TSGA10: variants seen among roughly 807,000 people sequenced by gnomAD.
TSGA10 encodes the protein testis specific 10.
Under a neutral mutation model 96.6 loss-of-function variants are expected in TSGA10, and 43 were observed. The observed-to-expected ratio is 0.44, with a 90% confidence interval of 0.35 to 0.57. The LOEUF (loss-of-function observed/expected upper bound fraction) is 0.57. Ranked by LOEUF, TSGA10 falls within the 20% of genes least tolerant of loss-of-function variation. TSGA10 has a pLI of 0.01. For synonymous variants in TSGA10, 229 were observed against 269.9 expected, an observed-to-expected ratio of 0.85 and a Z score of 1.48; for missense variants, 703 against 834.4, an observed-to-expected ratio of 0.84 and a Z score of 1.94.
Position 99,110,900 on chromosome 2 carries a change from G to T in TSGA10, c.-124C>A. On this transcript the variant is annotated 5_prime_UTR_variant, in exon 5 of 21. Coordinates refer to ENST00000393483, the MANE Select transcript of TSGA10 (RefSeq NM_025244.4). ...TCCAATACTATAATATTATTTTGCT[G>T]GCAAATGAGATCAATCTGAAGAAAA... 1.3e-6 allele frequency: 1 copy of T among 769,968 alleles called. No homozygotes were observed. The highest frequency in any genetic ancestry group is 1.9e-5 in the African/African-American group (1 of 52,238). The allele number at this position is 769,968 out of a possible 1,614,324, so 47.7% of individuals were successfully genotyped here.
intron 5 of TSGA10, among the ~76,000 whole-genome samples, chr2:99,110,073 G>A (rs1023533708): frequency 6.6e-6 from 1 of 152,192 alleles, no homozygotes; most frequent in Non-Finnish European, 1.5e-5. Context: ...GTTGAGGCAG[G>A]AGAATCATTT....
intron 16 of TSGA10, among the ~76,000 whole-genome samples, chr2:99,059,490 T>A (rs902753523): frequency 2.0e-5 from 3 of 150,424 alleles, no homozygotes; most frequent in Admixed American, 6.7e-5. Context: ...CAAAAAAAAA[T>A]TAGCCAGGCA....
chr2:99,031,279 C>A (rs1573634380), intron 17 of TSGA10, among the ~76,000 whole-genome samples: 2 of 79,636 alleles, frequency 2.5e-5, no homozygotes, highest in Admixed American at 2.0e-4. Flanking sequence ...GGTGGATACT[C>A]ATAGGCCAAA....
At chr2:99,084,841 C>CTCCATGGCAAAATGTG (rs1192861899) in intron 10 of TSGA10, among the ~76,000 whole-genome samples, 1 of 151,926 alleles carries the variant, frequency 6.6e-6, no homozygotes, top group Non-Finnish European at 1.5e-5. Context: ...TAACTTATAT[C>CTCCATGGCAAAATGTG]TCCATGGCAA....
chr2:99,129,705 T>C (rs2092987996), intron 1 of TSGA10, among the ~76,000 whole-genome samples: 1 of 152,220 alleles, frequency 6.6e-6, no homozygotes, highest in South Asian at 2.1e-4. Context: ...TGTGCTCCTG[T>C]ACCGTTCTCA....
At chr2:99,015,010 T>C (rs1017267599) in intron 20 of TSGA10, among the ~76,000 whole-genome samples, 2 of 151,612 alleles carry the variant, frequency 1.3e-5, no homozygotes, top group Non-Finnish European at 2.9e-5. Context: ...AAATTGCCAA[T>C]AAAAAAAGTC....
intron 10 of TSGA10, chr2:99,102,898 T>C: frequency 1.5e-6 from 1 of 663,504 alleles, no homozygotes; most frequent in South Asian, 1.8e-5. Flanking sequence ...TTGTATTTTA[T>C]AAGATACTCT....
intron 1 of TSGA10, among the ~76,000 whole-genome samples, chr2:99,127,768 C>T (rs908708589): frequency 6.6e-6 from 1 of 152,062 alleles, no homozygotes; most frequent in African/African-American, 2.4e-5. Flanking sequence ...ATGGATATAG[C>T]GTCCTTACGT....
At chr2:99,140,451 T>C (rs1405561373) in intron 1 of TSGA10, among the ~76,000 whole-genome samples, 2 of 151,346 alleles carry the variant, frequency 1.3e-5, no homozygotes, top group African/African-American at 2.4e-5. Flanking sequence ...GTTGGGACAC[T>C]ATAATCTATG....
rs1158213630 is a variant in TSGA10 at position 99,081,262 on chromosome 2, A to G, written c.727+20T>C. The G allele has an allele frequency of 6.7e-6, 9 of 1,351,442 alleles. No individual in the cohort carries two copies. Among genetic ancestry groups the G allele is most frequent in the Non-Finnish European group, 9.2e-6 (9 of 973,494 alleles). 83.7% of individuals were successfully genotyped at this position (1,351,442 alleles called of 1,614,324 possible). On this transcript the variant is annotated intron_variant, in intron 11 of 20. Coordinates refer to ENST00000393483, the MANE Select transcript of TSGA10 (RefSeq NM_025244.4). Reference sequence around the variant, plus strand: ...AAACTTAAGAAAAACTAAAAGTAATATTAAGAGAAAAAAACTCACCAATTT... The same window carrying G: ...AAACTTAAGAAAAACTAAAAGTAATGTTAAGAGAAAAAAACTCACCAATTT...
chr2:99,032,908 C>T (rs2081273567), intron 17 of TSGA10, among the ~76,000 whole-genome samples: 1 of 152,174 alleles, frequency 6.6e-6, no homozygotes, highest in Admixed American at 6.5e-5. Flanking sequence ...GACGGCAAGG[C>T]AACAATGCTT....
intron 20 of TSGA10, among the ~76,000 whole-genome samples, chr2:99,010,338 A>G (rs534522764): frequency 6.6e-6 from 1 of 152,204 alleles, no homozygotes; most frequent in African/African-American, 2.4e-5. Context: ...TACCAGGAAA[A>G]CCAAAAGAAT....
chr2:99,142,831 A>G (rs2105117632), intron 1 of TSGA10, among the ~76,000 whole-genome samples: 1 of 152,306 alleles, frequency 6.6e-6, no homozygotes, highest in South Asian at 2.1e-4. Context: ...TAAAACTATC[A>G]GCTGGAGTTG....
intron 12 of TSGA10, among the ~76,000 whole-genome samples, chr2:99,074,466 A>G (rs959610209): frequency 6.6e-6 from 1 of 151,526 alleles, no homozygotes; most frequent in South Asian, 2.1e-4. Context: ...CAGATTCCAC[A>G]TCTGGCAGTA....
chr2:99,141,218 C>T, intron 1 of TSGA10: 6 of 1,101,918 alleles, frequency 5.4e-6, no homozygotes, highest in Non-Finnish European at 6.9e-6. Flanking sequence ...TTTCTCCTCC[C>T]TTCCCACCCC....
chr2:99,049,740 G>GAAAAAAAAAAAAAAAAAAAAA (rs57254972), intron 16 of TSGA10, among the ~76,000 whole-genome samples: 1 of 145,582 alleles, frequency 6.9e-6, no homozygotes. Flanking sequence ...TTAAAAAAAA[G>GAAAAAAAAAAAAAAAAAAAAA]AAAAAAAAAA....
In TSGA10 at chr2:99,026,299, A is replaced by C. The variant is rs539959578; in HGVS notation, c.1615-5817T>G. Among the ~76,000 whole-genome samples, 12 of 152,306 alleles carry C rather than the reference A, an allele frequency of 7.9e-5. No homozygotes were observed. In the East Asian group the frequency reaches 2.1e-3, roughly 27 times the overall value. On this transcript the variant is annotated intron_variant, in intron 17 of 20. Transcript: ENST00000393483. ...CTAGTGATATTAGTCTTACACTTAC[A>C]TCTATATATGTCACAAGCCCAATGA...
In TSGA10 at chr2:99,117,547, G is replaced by A; in HGVS notation, c.-143C>T. On this transcript the variant is annotated 5_prime_UTR_variant, in exon 4 of 21. Coordinates refer to ENST00000393483, the MANE Select transcript of TSGA10 (RefSeq NM_025244.4). ...TTATCCGTGGTAAATCTGGTACCTT[G>A]GCTTCTTCAAGTTCCTTGTTGGCGG... 1 of 985,544 alleles carries A rather than the reference G, an allele frequency of 1.0e-6. No individual in the cohort carries two copies. Among genetic ancestry groups the A allele is most frequent in the Non-Finnish European group, 1.2e-6 (1 of 829,704 alleles). 61.0% of individuals were successfully genotyped at this position (985,544 alleles called of 1,614,324 possible).
At chr2:99,087,169 A>C (rs369755680) in intron 10 of TSGA10, among the ~76,000 whole-genome samples, 5 of 151,504 alleles carry the variant, frequency 3.3e-5, no homozygotes, top group African/African-American at 4.9e-5. Context: ...ATGCCACTGC[A>C]CTCCAGCCTG....
Sources: gnomAD v4.1 joint callset for allele counts (sites outside exome capture counted in the v4.1 genomes callset) on GRCh38, gnomAD v4.1.1 for gene constraint, MANE v1.5 for transcripts, NCBI Gene and HGNC (gene_info 2026-07-23, HGNC 2026-07-21) for gene names.